Variants in SIMC1 observed in about 807,000 individuals in gnomAD.
The protein encoded by SIMC1 is SUMO-interacting motif-containing protein 1.
SIMC1 carries 55 observed loss-of-function variants against 82.3 expected under a neutral mutation model. The ratio of observed to expected loss-of-function variants is 0.67; its 90% CI spans 0.54 to 0.84. The LOEUF (loss-of-function observed/expected upper bound fraction) is 0.84. SIMC1 is among the 40% of genes least tolerant of loss of function. The probability of loss-of-function intolerance (pLI) is 0.00; values close to 1 mark genes in which losing one functional copy is unlikely to be tolerated. For synonymous variants in SIMC1, 353 were observed against 426.3 expected, an observed-to-expected ratio of 0.83 and a Z score of 2.12; for missense variants, 915 against 1,107.2, an observed-to-expected ratio of 0.83 and a Z score of 2.46.
intron 1 of SIMC1, among the ~76,000 whole-genome samples, chr5:176,279,372 T>C (rs1233670034): frequency 6.6e-6 from 1 of 152,198 alleles, no homozygotes; most frequent in African/African-American, 2.4e-5. Context: ...CTTTTTTTCT[T>C]TATTAGTCTT....
rs558472009 is a variant in SIMC1 at position 176,281,906 on chromosome 5, T to G, written c.130-7748T>G. 2.6e-5 allele frequency among the ~76,000 whole-genome samples: 4 copies of G among 152,340 alleles called. No individual in the cohort carries two copies. In the East Asian group the frequency reaches 7.7e-4, roughly 29 times the overall value. ...CAGGGACCAACTTGAGGAGGCAGTC[T>G]GCCCGTTCTCAGATCTCCAGCTGCG... On this transcript the variant is annotated intron_variant, in intron 1 of 9. Coordinates refer to ENST00000429602, the MANE Select transcript of SIMC1 (RefSeq NM_001308195.2).
At chr5:176,253,641 A>C (rs1288440010) in intron 1 of SIMC1, among the ~76,000 whole-genome samples, 1 of 152,162 alleles carries the variant, frequency 6.6e-6, no homozygotes, top group Non-Finnish European at 1.5e-5. Context: ...ACGTTTGAGC[A>C]ACAAGGGAGG....
intron 6 of SIMC1, among the ~76,000 whole-genome samples, chr5:176,324,331 A>G (rs1391462534): frequency 6.6e-6 from 1 of 152,180 alleles, no homozygotes; most frequent in Non-Finnish European, 1.5e-5. Flanking sequence ...ATAGTTCCCT[A>G]TATCCTTAAG....
At chr5:176,262,295 A>T (rs1241029028) in intron 1 of SIMC1, among the ~76,000 whole-genome samples, 1 of 151,446 alleles carries the variant, frequency 6.6e-6, no homozygotes, top group Non-Finnish European at 1.5e-5. Context: ...AAAAAAAAAA[A>T]AAAAGCCTTC....
chr5:176,306,274 G>C (rs557113858), intron 4 of SIMC1, among the ~76,000 whole-genome samples: 1 of 114,006 alleles, frequency 8.8e-6, no homozygotes. Context: ...CAGCCGCCCC[G>C]TCCGGGAGGG....
At chr5:176,273,501 GA>G (rs869049432) in intron 1 of SIMC1, among the ~76,000 whole-genome samples, 2 of 151,712 alleles carry the variant, frequency 1.3e-5, no homozygotes, top group Non-Finnish European at 2.9e-5. Flanking sequence ...CAGAAAAGCT[GA>G]AAAAAAAATT....
In SIMC1 at chr5:176,345,277, C is replaced by A; in HGVS notation, c.2508C>A (p.Asp836Glu). The A allele has an allele frequency of 6.2e-7, 1 of 1,613,932 alleles. No homozygotes were observed. Among genetic ancestry groups the A allele is most frequent in the African/African-American group, 1.3e-5 (1 of 75,000 alleles). The part of the protein sequence containing the change: ...PQQGDDITVV[D>E]VEKQIEAFRS... ...AAGGAGATGACATCACAGTGGTAGA[C>A]GTAGAGAAGCAGATTGAGGCCTTCC... The change falls in exon 10 of 10, where the codon GAC (aspartate) becomes GAA (glutamate). Residue 836 changes from aspartate (D) to glutamate (E), a missense_variant. Physicochemically the swap from Asp to Glu is conservative, Grantham distance 45. Around this residue, in one of 2 missense-constraint regions of SIMC1, gnomAD observed 902 missense variants for 1,040.3 expected, o/e 0.87. Transcript: ENST00000429602.
At chr5:176,335,730 G>A (rs1011213881) in intron 7 of SIMC1, among the ~76,000 whole-genome samples, 1 of 151,998 alleles carries the variant, frequency 6.6e-6, no homozygotes, top group Non-Finnish European at 1.5e-5. Flanking sequence ...AAAATTAGAA[G>A]AGAAAATAGT....
chr5:176,340,761 T>C (rs1766101586), intron 9 of SIMC1, among the ~76,000 whole-genome samples: 1 of 152,216 alleles, frequency 6.6e-6, no homozygotes, highest in Non-Finnish European at 1.5e-5. Context: ...TATAGTTACA[T>C]AGAGTAAATG....
At chr5:176,277,714 C>T (rs1337859579) in intron 1 of SIMC1, among the ~76,000 whole-genome samples, 1 of 151,988 alleles carries the variant, frequency 6.6e-6, no homozygotes, top group Non-Finnish European at 1.5e-5. Context: ...GAATCCTTTC[C>T]CCATTGCTTG....
chr5:176,259,301 A>T lies in SIMC1; in HGVS notation c.129+20664A>T, dbSNP rs1475787643. Among the ~76,000 whole-genome samples the T allele has an allele frequency of 4.6e-5, 7 of 151,962 alleles. No individual in the cohort carries two copies. The East Asian group carries it at 1.4e-3, about 30-fold the overall frequency. On this transcript the variant is annotated intron_variant, in intron 1 of 9. Transcript: ENST00000429602. ...GACAATATGGTAAAGCCCCATCTCC[A>T]CTAATACAAAAAATCAGCCAGGCAT...
chr5:176,271,179 G>A (rs1467215809), intron 1 of SIMC1, among the ~76,000 whole-genome samples: 1 of 152,132 alleles, frequency 6.6e-6, no homozygotes. Flanking sequence ...GGCCAACATG[G>A]CGAAACCCCA....
At chr5:176,260,739 G>T (rs2560146) in intron 1 of SIMC1, among the ~76,000 whole-genome samples, 4 of 152,132 alleles carry the variant, frequency 2.6e-5, no homozygotes, top group Non-Finnish European at 5.9e-5. Flanking sequence ...ACATCCTAGT[G>T]TCTGAATCTC....
At chr5:176,283,184 A>T (rs528778800) in intron 1 of SIMC1, among the ~76,000 whole-genome samples, 32 of 152,300 alleles carry the variant, frequency 2.1e-4, no homozygotes, top group African/African-American at 7.7e-4. Context: ...TGCCACAAAG[A>T]TACTCCTTGA....
chr5:176,301,778 C>CA (rs528674679), intron 4 of SIMC1, among the ~76,000 whole-genome samples: 19,868 of 98,172 alleles, frequency 0.2, 1,433 homozygotes, highest in Middle Eastern at 0.35. Context: ...GACTCTGTCT[C>CA]AAAAAAAAAA....
At chr5:176,294,522 T>C (rs1313815941) in intron 2 of SIMC1, among the ~76,000 whole-genome samples, 2 of 151,744 alleles carry the variant, frequency 1.3e-5, no homozygotes, top group African/African-American at 4.8e-5. Context: ...CAAGCAGTTC[T>C]CCTGCCTTGG....
At position 176,339,159 on chromosome 5, in the gene SIMC1, C is replaced by T. The variant is rs531170567; in HGVS notation, c.2413+2013C>T. 1.3e-4 allele frequency among the ~76,000 whole-genome samples: 20 copies of T among 152,090 alleles called. No individual in the cohort carries two copies. In the South Asian group the frequency reaches 3.1e-3, roughly 24 times the overall value. The stretch of plus-strand genomic sequence containing the variant: ...CGGGCGAATCACAAGGTCAGGAGTT[C>T]GAGGCCAGCCTGACCAACATGGTGA... On this transcript the variant is annotated intron_variant, in intron 9 of 9. Coordinates refer to ENST00000429602, the MANE Select transcript of SIMC1 (RefSeq NM_001308195.2).
chr5:176,277,692 T>G (rs1216217749), intron 1 of SIMC1, among the ~76,000 whole-genome samples: 1 of 152,106 alleles, frequency 6.6e-6, no homozygotes, highest in Admixed American at 6.5e-5. Flanking sequence ...CCAGCACCAT[T>G]TATTAACTAG....
intron 1 of SIMC1, among the ~76,000 whole-genome samples, chr5:176,274,597 T>C (rs1762598557): frequency 6.6e-6 from 1 of 151,932 alleles, no homozygotes. Context: ...ATGTCCTGAA[T>C]GGTAATGCCT....
Sources: allele counts gnomAD v4.1 joint callset (sites outside exome capture counted in the v4.1 genomes callset), GRCh38; gene constraint gnomAD v4.1.1; regional missense constraint gnomAD v4.1.1; transcripts MANE v1.5; gene names NCBI Gene and HGNC (gene_info 2026-07-23, HGNC 2026-07-21).